The following IL33 variants were observed in gnomAD, a reference collection of about 807,000 sequenced individuals.
IL33 encodes interleukin 33, also known as interleukin-33.
A neutral mutation model predicts 27.3 loss-of-function variants in IL33; 37 were observed. The ratio of observed to expected loss-of-function variants is 1.36; its 90% confidence interval spans 1.04 to 1.78. IL33 has a LOEUF of 1.78. Ranked by LOEUF, IL33 falls within the 40% of genes most tolerant of loss-of-function variation. The pLI, the probability that IL33 is intolerant of heterozygous loss-of-function variation, is 0.00. For missense variants in IL33, 406 were observed against 311.4 expected (o/e 1.30, Z -2.29); for synonymous variants, 132 against 102.9 (o/e 1.28, Z -1.71).
intron 4 of IL33, among the ~76,000 whole-genome samples, chr9:6,252,007 C>T (rs1046077858): frequency 2.1e-5 from 3 of 146,156 alleles, no homozygotes; most frequent in East Asian, 2.1e-4. Flanking sequence ...AGGGCACTCT[C>T]GCCTGGGCAA....
rs139020612 is a variant in IL33, at chr9:6,250,330, G to A, written c.92-144G>A. 372 of 963,586 alleles carry A rather than the reference G, an allele frequency of 3.9e-4. No individual in the cohort carries two copies. The East Asian group carries it at 7.8e-3, about 20-fold the overall frequency. The allele number at this position is 963,586 out of a possible 1,614,324, so 59.7% of individuals were successfully genotyped here. A position where few individuals can be genotyped will look rare whatever the true frequency, so the allele number is the denominator to read the frequency against. ...ACAATCCTAAAATCTAAAAAACTCC[G>A]AATTTTGAAACACAGCTGAGTTAAG... On this transcript the variant is annotated intron_variant, in intron 2 of 7. Transcript: ENST00000682010.
chr9:6,242,323 T>C (rs1303392905), intron 2 of IL33: 1 of 152,170 alleles, frequency 6.6e-6, no homozygotes, highest in Non-Finnish European at 1.5e-5. Context: ...CTTTTTCCAT[T>C]TAGAAAAAAA....
Position 6,250,543 on chromosome 9 carries a change from A to G in IL33, c.161A>G (p.Lys54Arg), listed in dbSNP as rs751415058. 4 of 1,613,920 alleles carry G rather than the reference A, an allele frequency of 2.5e-6. No individual in the cohort carries two copies. The Admixed American group carries it at 5.0e-5, about 20-fold the overall frequency. ...AAGCTCCGCTCTGGCCTTATGATAA[A>G]AAAGGAGGCCTGTTACTTTAGGAGA... ...FMKLRSGLMI[K>R]KEACYFRRET... Residue 54 changes from lysine (K) to arginine (R), a missense_variant, in exon 3 of 8, where the codon AAA (lysine) becomes AGA (arginine). Coordinates refer to ENST00000682010, the MANE Select transcript of IL33 (RefSeq NM_033439.4).
chr9:6,234,292 C>G (rs899027217), intron 1 of IL33, among the ~76,000 whole-genome samples: 1 of 152,194 alleles, frequency 6.6e-6, no homozygotes, highest in South Asian at 2.1e-4. Flanking sequence ...CTGAAATGTC[C>G]ATATAACTGT....
At position 6,251,237 on chromosome 9, in the gene IL33, T is replaced by G. The variant is rs1816338239; in HGVS notation, c.315T>G (p.Thr105=). The G allele has an allele frequency of 1.2e-6, 2 of 1,613,816 alleles. No homozygotes were observed. Among genetic ancestry groups the G allele is most frequent in the Middle Eastern group, 1.7e-4 (1 of 6,056 alleles). ...AFGISGVQKY[T]RALHDSSITG... ...GTATATCAGGGGTCCAGAAATATAC[T>G]AGAGCACTTCATGATTCAAGTATCA... Residue 105 remains threonine (T), a synonymous_variant, in exon 4 of 8, where the codon ACT becomes ACG. Transcript: ENST00000682010.
In IL33 at chr9:6,252,878, T is replaced by C; in HGVS notation, c.356T>C (p.Ile119Thr). Residue 119 changes from isoleucine (I) to threonine (T), a missense_variant, in exon 5 of 8, where the codon ATT becomes ACT. Ile to Thr is a moderately conservative substitution (Grantham distance 89, BLOSUM62 -1). Coordinates refer to ENST00000682010, the MANE Select transcript of IL33 (RefSeq NM_033439.4). The stretch of plus-strand genomic sequence containing the variant: ...TTCTTAACAACAGGAATTTCACCTA[T>C]TACAGAGTATCTTGCTTCTCTAAGC... ...HDSSITGISP[I>T]TEYLASLSTY... The C allele has an allele frequency of 6.2e-7, 1 of 1,604,586 alleles. No individual in the cohort carries two copies. Among genetic ancestry groups the C allele is most frequent in the Non-Finnish European group, 8.5e-7 (1 of 1,177,532 alleles).
chr9:6,216,006 G>C (rs1818124511), intron 1 of IL33, among the ~76,000 whole-genome samples, 154 bp downstream of exon 1: 2 of 151,858 alleles, frequency 1.3e-5, no homozygotes, highest in African/African-American at 4.8e-5. Flanking sequence ...AATGACAATA[G>C]CTGTTACTAA....
At chr9:6,244,291 C>T (rs564134709) in intron 2 of IL33, among the ~76,000 whole-genome samples, 4 of 152,250 alleles carry the variant, frequency 2.6e-5, no homozygotes, top group African/African-American at 9.6e-5. Flanking sequence ...TTAATTGGCC[C>T]TTAACAGATC....
intron 1 of IL33, among the ~76,000 whole-genome samples, chr9:6,236,748 G>C (rs888556412): frequency 5.9e-5 from 9 of 152,162 alleles, no homozygotes; most frequent in Non-Finnish European, 1.3e-4. Flanking sequence ...CATACACCTT[G>C]TAGTCCCAGC....
chr9:6,232,587 G>C (rs1389534366), intron 1 of IL33, among the ~76,000 whole-genome samples: 1 of 151,992 alleles, frequency 6.6e-6, no homozygotes, highest in Non-Finnish European at 1.5e-5. Context: ...ACTTTCCCCT[G>C]GTGATGCCAT....
intron 1 of IL33, among the ~76,000 whole-genome samples, chr9:6,218,721 TATG>T (rs1219430708): frequency 3.4e-4 from 47 of 137,778 alleles, no homozygotes; most frequent in African/African-American, 1.2e-3. Flanking sequence ...CATATATATA[TATG>T]TTCTCCATAT....
At chr9:6,217,815 C>A (rs557171225) in intron 1 of IL33, among the ~76,000 whole-genome samples, 71 of 152,086 alleles carry the variant, frequency 4.7e-4, no homozygotes, top group African/African-American at 1.7e-3. Flanking sequence ...AGCACAAATC[C>A]AAAAGTATGT....
chr9:6,242,253 T>A (rs910312693), intron 2 of IL33: 1 of 152,300 alleles, frequency 6.6e-6, no homozygotes, highest in Non-Finnish European at 1.5e-5. Context: ...GATATTTGAA[T>A]AATCATCTTA....
At chr9:6,246,143 G>C (rs1819836621) in intron 2 of IL33, among the ~76,000 whole-genome samples, 1 of 144,702 alleles carries the variant, frequency 6.9e-6, no homozygotes, top group African/African-American at 2.5e-5. Flanking sequence ...TCTCAAGATA[G>C]GCAATTCAGG....
intron 1 of IL33, among the ~76,000 whole-genome samples, chr9:6,225,445 A>G (rs568210737): frequency 1.3e-5 from 2 of 152,148 alleles, no homozygotes; most frequent in South Asian, 4.2e-4. Context: ...TCCACCACAT[A>G]CCCATTTACT....
chr9:6,228,710 C>G (rs1372705823), intron 1 of IL33, among the ~76,000 whole-genome samples: 1 of 151,888 alleles, frequency 6.6e-6, no homozygotes, highest in African/African-American at 2.4e-5. Flanking sequence ...AAAAATTTAG[C>G]CGAGTGTGGT....
chr9:6,228,846 C>CAAAAAAAA (rs386414378), intron 1 of IL33, among the ~76,000 whole-genome samples: 1 of 135,784 alleles, frequency 7.4e-6, no homozygotes. Context: ...AACACTGACT[C>CAAAAAAAA]AAAAAAAAAA....
intron 1 of IL33, among the ~76,000 whole-genome samples, chr9:6,224,871 C>T (rs557364868): frequency 6.6e-6 from 1 of 152,186 alleles, no homozygotes; most frequent in East Asian, 1.9e-4. Flanking sequence ...AAGCAGTGAA[C>T]TCAGGCAGAA....
At position 6,217,148 on chromosome 9, in the gene IL33, C is replaced by G. The variant is rs370409669; in HGVS notation, c.-12+1296C>G. Among the ~76,000 whole-genome samples the G allele has an allele frequency of 9.2e-5, 14 of 151,714 alleles. No individual in the cohort carries two copies. The East Asian group carries it at 2.5e-3, about 27-fold the overall frequency. ...TGAGTCTATTTCTGGGTGGGAGCCA[C>G]AGAGTAGTCACTGGTCATCAGAAAT... is the stretch of plus-strand genomic sequence containing the variant. On this transcript the variant is annotated intron_variant, in intron 1 of 7. Coordinates refer to ENST00000682010, the MANE Select transcript of IL33 (RefSeq NM_033439.4).
Sources: allele counts gnomAD v4.1 joint callset (sites outside exome capture counted in the v4.1 genomes callset), GRCh38; gene constraint gnomAD v4.1.1; transcripts MANE v1.5; gene names NCBI Gene and HGNC (gene_info 2026-07-23, HGNC 2026-07-21).